NOS2: variants seen among roughly 807,000 people sequenced by gnomAD.
NOS2 encodes the protein nitric oxide synthase, inducible.
In NOS2, 96 loss-of-function variants were observed where a neutral mutation model predicts 136.0. The ratio of observed to expected loss-of-function variants is 0.71; its 90% CI spans 0.60 to 0.84. The LOEUF (loss-of-function observed/expected upper bound fraction) is 0.84, where lower values mean the gene tolerates loss of function less well. Ranked by LOEUF, NOS2 falls within the 40% of genes least tolerant of loss-of-function variation. The pLI, the probability that NOS2 is intolerant of heterozygous loss-of-function variation, is 0.00. For synonymous variants in NOS2, 539 were observed against 587.5 expected, an observed-to-expected ratio of 0.92 and a Z score of 1.20; for missense variants, 1,237 against 1,496.9, an observed-to-expected ratio of 0.83 and a Z score of 2.87.
At chr17:27,774,598 C>A (rs777365842) in intron 11 of NOS2, 147 bp from the exon 12 acceptor site, 1 of 495,490 alleles carries the variant, frequency 2.0e-6, no homozygotes, top group Non-Finnish European at 3.4e-6. Context: ...TCCTTGCCTG[C>A]TGAAAATAAA....
intron 5 of NOS2, 23 bp from the exon 6 acceptor site, chr17:27,783,129 G>A: frequency 6.2e-7 from 1 of 1,613,284 alleles, no homozygotes; most frequent in Non-Finnish European, 8.5e-7. Flanking sequence ...AAGACAGCAG[G>A]AAGATCAACA....
At chr17:27,761,670 C>A (rs563662307) in intron 22 of NOS2, among the ~76,000 whole-genome samples, 2 of 152,144 alleles carry the variant, frequency 1.3e-5, no homozygotes, top group Non-Finnish European at 1.5e-5. Flanking sequence ...TGCTCATGAG[C>A]GTGGCCCTTG....
chr17:27,757,381 G>GT, intron 26 of NOS2, 28 bp from the exon 27 acceptor site: 1 of 1,604,982 alleles, frequency 6.2e-7, no homozygotes, highest in Non-Finnish European at 8.5e-7. Context: ...AGAGCAACGT[G>GT]TCAAGTCCAG....
chr17:27,770,446 A>G (rs927947381), intron 15 of NOS2, among the ~76,000 whole-genome samples: 5 of 152,222 alleles, frequency 3.3e-5, no homozygotes, highest in African/African-American at 9.7e-5. Context: ...AGATCGCACC[A>G]TTGCACTCTA....
intron 18 of NOS2, among the ~76,000 whole-genome samples, chr17:27,767,224 G>T (rs994651312): frequency 6.6e-6 from 1 of 152,214 alleles, no homozygotes; most frequent in African/African-American, 2.4e-5. Context: ...CACAGCACCT[G>T]GGGGTGCAGA....
intron 24 of NOS2, 133 bp from the exon 25 acceptor site, chr17:27,760,311 T>C (rs1597542527): frequency 4.1e-6 from 4 of 977,334 alleles, no homozygotes; most frequent in Non-Finnish European, 1.5e-6. Context: ...ATGAGGAAAC[T>C]GAGGCCCAGC....
intron 23 of NOS2, 125 bp downstream of exon 23, chr17:27,761,018 AC>A (rs1257261254): frequency 1.1e-6 from 1 of 927,138 alleles, no homozygotes; most frequent in Non-Finnish European, 1.6e-6. Context: ...CACCAGTGTG[AC>A]CCCAGTGCCT....
At chr17:27,769,714 T>C (rs1908429075) in intron 15 of NOS2, 130 bp from the exon 16 acceptor site, 5 of 773,746 alleles carry the variant, frequency 6.5e-6, no homozygotes, top group African/African-American at 1.7e-5. Flanking sequence ...TTGGTTTACA[T>C]ATGGGGCTAC....
chr17:27,772,480 C>CT, intron 13 of NOS2, 28 bp from the exon 14 acceptor site: 1 of 1,612,690 alleles, frequency 6.2e-7, no homozygotes, highest in East Asian at 2.2e-5. Context: ...CAGGCAGGCG[C>CT]TGTGTGCTGA....
intron 3 of NOS2, among the ~76,000 whole-genome samples, chr17:27,789,197 A>C (rs761170048): frequency 6.6e-6 from 1 of 152,198 alleles, no homozygotes; most frequent in East Asian, 1.9e-4. Context: ...ACTAAAGACT[A>C]AGTTGGAGGT....
At chr17:27,771,903 G>C (rs1208770093) in intron 14 of NOS2, among the ~76,000 whole-genome samples, 1 of 152,208 alleles carries the variant, frequency 6.6e-6, no homozygotes, top group Non-Finnish European at 1.5e-5. Context: ...ATCCATCAGT[G>C]CTGAAGGCAG....
In NOS2 at chr17:27,779,088, GCCTT is replaced by G. The variant is rs1393522169; in HGVS notation, c.1005-36_1005-33del. 5 of 1,376,442 alleles carry G rather than the reference GCCTT, an allele frequency of 3.6e-6. No homozygotes were observed. The African/African-American group carries it at 6.0e-5, about 16-fold the overall frequency. The allele number at this position is 1,376,442 out of a possible 1,614,324, so 85.3% of individuals were successfully genotyped here. On this transcript the variant is annotated intron_variant, in intron 9 of 26. Coordinates refer to ENST00000313735, the MANE Select transcript of NOS2 (RefSeq NM_000625.4). Reference sequence around the variant, plus strand: ...AAAAGGTAGACACAATTTAACTGGGGCCTTCCTTATTTTTATTTTATTATTATTT... The same window carrying G: ...AAAAGGTAGACACAATTTAACTGGGGCCTTATTTTTATTTTATTATTATTT...
chr17:27,783,046 T>C lies in NOS2; in HGVS notation c.528A>G (p.Thr176=), dbSNP rs1344880543. 3 of 1,614,238 alleles carry C rather than the reference T, an allele frequency of 1.9e-6. No homozygotes were observed. Among genetic ancestry groups the C allele is most frequent in the East Asian group, 2.2e-5 (1 of 44,882 alleles). ...CATCTCCCGTCAGTTGGTAGGTTCC[T>C]GTTGTTTCTATCTCCTTTGTTACCG... ...VEAVTKEIET[T]GTYQLTGDEL... Residue 176 remains threonine (T), a synonymous_variant, in exon 6 of 27, where the codon ACA becomes ACG. Transcript: ENST00000313735.
intron 14 of NOS2, among the ~76,000 whole-genome samples, chr17:27,771,758 G>A (rs1443441320): frequency 1.3e-5 from 2 of 152,206 alleles, no homozygotes; most frequent in Middle Eastern, 3.2e-3. Flanking sequence ...TTTGCAGGGC[G>A]CTGGGAGGGG....
chr17:27,785,041 T>G (rs996738195), intron 5 of NOS2, among the ~76,000 whole-genome samples: 5 of 151,974 alleles, frequency 3.3e-5, no homozygotes, highest in African/African-American at 1.2e-4. Context: ...ACGTCCAGAA[T>G]AGAGTTGGGA....
intron 2 of NOS2, among the ~76,000 whole-genome samples, chr17:27,797,027 T>C (rs1031229064): frequency 6.6e-6 from 1 of 152,172 alleles, no homozygotes; most frequent in African/African-American, 2.4e-5. Flanking sequence ...TCTCCTACCC[T>C]GCATTCAAGC....
At position 27,772,293 on chromosome 17, in the gene NOS2, C is replaced by T. The variant is rs200678367; in HGVS notation, c.1704+15G>A. On this transcript the variant is annotated intron_variant, in intron 14 of 26. Coordinates refer to ENST00000313735, the MANE Select transcript of NOS2 (RefSeq NM_000625.4). ...ACAAGCAGAAAAAACAACAGCCATCCCACTGAGCCAGTACCTTGGGGTTGA... is the reference window on the plus strand; with the variant it reads ...ACAAGCAGAAAAAACAACAGCCATCTCACTGAGCCAGTACCTTGGGGTTGA... 13 of 1,613,846 alleles carry T rather than the reference C, an allele frequency of 8.1e-6. No individual in the cohort carries two copies. Among genetic ancestry groups the T allele is most frequent in the Non-Finnish European group, 1.0e-5 (12 of 1,179,910 alleles).
intron 19 of NOS2, 121 bp downstream of exon 19, chr17:27,766,389 G>A (rs2151326486): frequency 2.2e-6 from 2 of 896,012 alleles, no homozygotes; most frequent in East Asian, 4.9e-5. Flanking sequence ...CCGACAGTGT[G>A]GCTGCTAATG....
At chr17:27,765,753 G>C in intron 19 of NOS2, 37 bp from the exon 20 acceptor site, 2 of 1,559,558 alleles carry the variant, frequency 1.3e-6, no homozygotes, top group East Asian at 4.6e-5. Context: ...TGACATTGCA[G>C]GATTTCCTCC....
Sources: gnomAD v4.1 joint callset for allele counts (sites outside exome capture counted in the v4.1 genomes callset) on GRCh38, gnomAD v4.1.1 for gene constraint, MANE v1.5 for transcripts, NCBI Gene and HGNC (gene_info 2026-07-23, HGNC 2026-07-21) for gene names.